MRPL3: variants seen among roughly 807,000 people sequenced by gnomAD.
MRPL3 encodes large ribosomal subunit protein uL3m.
MRPL3 carries 43 observed loss-of-function variants against 44.3 expected under a neutral mutation model. That is an observed-to-expected ratio of 0.97 (90% CI 0.76 to 1.25). MRPL3 has a LOEUF of 1.25. Ranked by LOEUF, MRPL3 falls within the 50% of genes most tolerant of loss-of-function variation. The pLI is 0.00. For missense variants in MRPL3, 406 were observed against 427.6 expected (o/e 0.95, Z 0.45); for synonymous variants, 171 against 152.3 (o/e 1.12, Z -0.91).
chr3:131,471,089 T>C (rs1933732027), intron 7 of MRPL3, 82 bp downstream of exon 7: 4 of 960,220 alleles, frequency 4.2e-6, no homozygotes, highest in Non-Finnish European at 5.0e-6. Flanking sequence ...ATTATGTGAC[T>C]TCATATCAAG....
At chr3:131,497,453 G>A (rs953947666) in intron 4 of MRPL3, among the ~76,000 whole-genome samples, 3 of 152,028 alleles carry the variant, frequency 2.0e-5, no homozygotes, top group Non-Finnish European at 4.4e-5. Context: ...TTTCTGCCTT[G>A]TTCATTTCAT....
intron 7 of MRPL3, 26 bp from the exon 8 acceptor site, chr3:131,469,799 C>CT (rs777691773): frequency 8.4e-5 from 122 of 1,452,880 alleles, no homozygotes; most frequent in Middle Eastern, 1.8e-4. Context: ...AAAGTTAACA[C>CT]TTTTAAGTAC....
intron 6 of MRPL3, chr3:131,487,423 A>G (rs1260099687): frequency 2.9e-6 from 1 of 343,946 alleles, no homozygotes; most frequent in Non-Finnish European, 5.3e-6. Context: ...CGTTGTGCAC[A>G]TGTACCCTAG....
intron 6 of MRPL3, among the ~76,000 whole-genome samples, chr3:131,477,806 G>A (rs938751596): frequency 6.6e-5 from 10 of 152,106 alleles, no homozygotes; most frequent in Non-Finnish European, 1.5e-5. Flanking sequence ...TCGGTGTTTA[G>A]ATTTCTATAG....
At chr3:131,500,643 T>G in intron 2 of MRPL3, 122 bp from the exon 3 acceptor site, 1 of 725,984 alleles carries the variant, frequency 1.4e-6, no homozygotes, top group Non-Finnish European at 2.4e-6. Context: ...AATATGCTAA[T>G]ATATTCACAG....
Position 131,502,049 on chromosome 3 carries a change from A to G in MRPL3, c.93-334T>C, listed in dbSNP as rs1056512693. On this transcript the variant is annotated intron_variant, in intron 1 of 9. Transcript: ENST00000264995. Reference sequence around the variant, plus strand: ...ACCTTAATAGTTTTACATTCAGTGGAGGTGGCAGAAGGTGGCATGTTGATC... The same window carrying G: ...ACCTTAATAGTTTTACATTCAGTGGGGGTGGCAGAAGGTGGCATGTTGATC... 27 of 674,634 alleles carry G rather than the reference A, an allele frequency of 4.0e-5. No individual in the cohort carries two copies. In the African/African-American group the frequency reaches 4.7e-4, roughly 12 times the overall value. 41.8% of individuals were successfully genotyped at this position (674,634 alleles called of 1,614,324 possible).
chr3:131,463,058 T>A (rs529765814), intron 9 of MRPL3, among the ~76,000 whole-genome samples, 183 bp from the exon 10 acceptor site: 295 of 152,344 alleles, frequency 1.9e-3, no homozygotes, highest in South Asian at 0.012. Context: ...AAAATTTGAC[T>A]AATCCAGTAA....
At chr3:131,478,274 T>C (rs1053336564) in intron 6 of MRPL3, among the ~76,000 whole-genome samples, 1 of 152,200 alleles carries the variant, frequency 6.6e-6, no homozygotes, top group Non-Finnish European at 1.5e-5. Flanking sequence ...TCTACAGATG[T>C]ACCAACCATA....
intron 6 of MRPL3, chr3:131,479,056 T>A (rs765310144): frequency 4.2e-6 from 2 of 477,486 alleles, no homozygotes; most frequent in Non-Finnish European, 8.2e-6. Flanking sequence ...GTTTTTCAAT[T>A]AGAACCATTT....
At chr3:131,471,325 A>C in intron 6 of MRPL3, 46 bp from the exon 7 acceptor site, 2 of 1,305,456 alleles carry the variant, frequency 1.5e-6, no homozygotes, top group Non-Finnish European at 2.2e-6. Flanking sequence ...AAGAGCATAG[A>C]CCATTCCCAA....
chr3:131,492,192 T>C (rs10222424), intron 4 of MRPL3, among the ~76,000 whole-genome samples: 57,613 of 152,004 alleles, frequency 0.38, 12,601 homozygotes, highest in Non-Finnish European at 0.5. Context: ...TTGTCACTTA[T>C]CCCCTCAGCC....
chr3:131,501,551 G>C lies in MRPL3; in HGVS notation c.257C>G (p.Pro86Arg), dbSNP rs143877226. Residue 86 changes from proline (P) to arginine (R), a missense_variant, in exon 2 of 10, where the codon CCT becomes CGT. Transcript: ENST00000264995. ...KLCPLKDEPW[P>R]IHPWEPGSFR... is the part of the protein sequence containing the mutation. ...ATCACCTGGTTCCCAAGGATGTATA[G>C]GCCATGGTTCATCTTTCAGAGGACA... 7 of 1,611,888 alleles carry C rather than the reference G, an allele frequency of 4.3e-6. No individual in the cohort carries two copies. Among genetic ancestry groups the C allele is most frequent in the Non-Finnish European group, 3.4e-6 (4 of 1,179,810 alleles).
chr3:131,476,873 G>C (rs1281742128), intron 6 of MRPL3, among the ~76,000 whole-genome samples: 2 of 152,162 alleles, frequency 1.3e-5, no homozygotes, highest in Non-Finnish European at 2.9e-5. Context: ...GAAGACAGGG[G>C]ATTAAGTCTC....
chr3:131,477,450 T>A (rs9878535), intron 6 of MRPL3, among the ~76,000 whole-genome samples: 112,811 of 152,108 alleles, frequency 0.74, 43,163 homozygotes, highest in African/African-American at 0.91. Flanking sequence ...ACTCTTTGGA[T>A]TTCACTCTGA....
At chr3:131,488,965 G>A (rs1322637625) in intron 5 of MRPL3, among the ~76,000 whole-genome samples, 5 of 151,960 alleles carry the variant, frequency 3.3e-5, no homozygotes, top group Non-Finnish European at 7.4e-5. Flanking sequence ...CTGAATTGCT[G>A]ATTTTTGACC....
At chr3:131,485,804 T>A (rs374366011) in intron 6 of MRPL3, among the ~76,000 whole-genome samples, 1 of 152,192 alleles carries the variant, frequency 6.6e-6, no homozygotes, top group Non-Finnish European at 1.5e-5. Context: ...CTAGGAAGAA[T>A]GCATCTTAAC....
intron 9 of MRPL3, among the ~76,000 whole-genome samples, chr3:131,463,319 C>T (rs1435227784): frequency 6.6e-6 from 1 of 151,710 alleles, no homozygotes; most frequent in East Asian, 1.9e-4. Context: ...TCTTCCCCTA[C>T]CAAAAGAGTC....
intron 4 of MRPL3, among the ~76,000 whole-genome samples, chr3:131,490,519 T>G (rs1379720072): frequency 6.6e-6 from 1 of 152,252 alleles, no homozygotes; most frequent in African/African-American, 2.4e-5. Flanking sequence ...GAATCTCAAA[T>G]GTGGCCTGCT....
chr3:131,491,368 A>T (rs1934252500), intron 4 of MRPL3, among the ~76,000 whole-genome samples: 1 of 152,202 alleles, frequency 6.6e-6, no homozygotes, highest in Admixed American at 6.5e-5. Context: ...GCTTCCAGTT[A>T]CTACTCTCTC....
Sources: gnomAD v4.1 joint callset for allele counts (sites outside exome capture counted in the v4.1 genomes callset) on GRCh38, gnomAD v4.1.1 for gene constraint, MANE v1.5 for transcripts, NCBI Gene and HGNC (gene_info 2026-07-23, HGNC 2026-07-21) for gene names.